Variants in PRDM15 observed in about 807,000 individuals in gnomAD.
PRDM15 encodes PR domain zinc finger protein 15.
A neutral mutation model predicts 128.6 loss-of-function variants in PRDM15; 64 were observed. The observed-to-expected ratio is 0.50, with a 90% CI of 0.41 to 0.61. The LOEUF is 0.61. Among genes scored for constraint, PRDM15 ranks in the 20% least tolerant of loss-of-function variants. The pLI, the probability that PRDM15 is intolerant of heterozygous loss-of-function variation, is 0.00. For synonymous variants in PRDM15, 615 were observed against 621.8 expected (o/e 0.99, Z 0.16); for missense variants, 1,242 against 1,569.1 (o/e 0.79, Z 3.52).
intron 18 of PRDM15, 116 bp from the exon 19 acceptor site, chr21:41,815,952 G>A (rs2062036561): frequency 7.5e-7 from 1 of 1,339,438 alleles, no homozygotes. Flanking sequence ...TGGTGAGGGT[G>A]TGGGCCGGCC....
At chr21:41,858,002 G>C (rs2063689496) in intron 3 of PRDM15, among the ~76,000 whole-genome samples, 1 of 152,200 alleles carries the variant, frequency 6.6e-6, no homozygotes, top group Non-Finnish European at 1.5e-5. Context: ...ATCCCTGGTG[G>C]GGCTGCTACG....
At chr21:41,808,080 C>G (rs1311470450) in intron 21 of PRDM15, among the ~76,000 whole-genome samples, 1 of 152,156 alleles carries the variant, frequency 6.6e-6, no homozygotes, top group Non-Finnish European at 1.5e-5. Context: ...CTCCGGTGTA[C>G]AAAAGTGATG....
intron 21 of PRDM15, among the ~76,000 whole-genome samples, chr21:41,809,335 C>T (rs959433946): frequency 1.3e-5 from 2 of 151,382 alleles, no homozygotes; most frequent in Admixed American, 1.3e-4. Context: ...TGGGTTCAAG[C>T]GATTCTGCTG....
At chr21:41,839,514 T>C in intron 7 of PRDM15, 109 bp downstream of exon 7, 2 of 862,020 alleles carry the variant, frequency 2.3e-6, no homozygotes, top group East Asian at 4.8e-5. Flanking sequence ...ACGAGGCCTT[T>C]CTACACTGAG....
At chr21:41,806,711 CCAA>C (rs1194176471) in intron 21 of PRDM15, among the ~76,000 whole-genome samples, 18 of 123,080 alleles carry the variant, frequency 1.5e-4, no homozygotes, top group South Asian at 3.0e-4. Context: ...ATCACTACCA[CCAA>C]CATCACCACC....
chr21:41,844,029 T>C (rs1394821094), intron 6 of PRDM15, among the ~76,000 whole-genome samples: 1 of 151,520 alleles, frequency 6.6e-6, no homozygotes, highest in Non-Finnish European at 1.5e-5. Flanking sequence ...GTTACCCAAC[T>C]TGAAAGAAGA....
Position 41,800,140 on chromosome 21 carries a change from T to C in PRDM15, c.*1100A>G, listed in dbSNP as rs2061382484. Reference sequence around the variant, plus strand: ...ACTTTTCCATTGTAAAGAGCCAAACTCATTCAATATTTTTATAGAAAACTG... The same window carrying C: ...ACTTTTCCATTGTAAAGAGCCAAACCCATTCAATATTTTTATAGAAAACTG... On this transcript the variant is annotated 3_prime_UTR_variant, in exon 24 of 24. Coordinates refer to ENST00000398548, the MANE Select transcript of PRDM15 (RefSeq NM_001040424.3). 1 of 152,242 alleles carries C rather than the reference T, an allele frequency of 6.6e-6. No homozygotes were observed. Among genetic ancestry groups the C allele is most frequent in the Admixed American group, 6.5e-5 (1 of 15,282 alleles). 9.4% of individuals were successfully genotyped at this position (152,242 alleles called of 1,614,324 possible).
rs2064053953 is a variant in PRDM15 at position 41,867,506 on chromosome 21, T to C, written c.-9-7134A>G. The C allele has an allele frequency of 5.8e-6, 4 of 686,348 alleles. No homozygotes were observed. The South Asian group carries it at 7.5e-5, about 13-fold the overall frequency. The allele number at this position is 686,348 out of a possible 1,614,324, so 42.5% of individuals were successfully genotyped here. On this transcript the variant is annotated intron_variant, in intron 1 of 23. Coordinates refer to ENST00000398548, the MANE Select transcript of PRDM15 (RefSeq NM_001040424.3). ...GGAGCGCAGTGGTTTTTCACAGGCG[T>C]GAACATAGCGCACTACAGCCTCAAA... is the stretch of plus-strand genomic sequence containing the variant.
intron 21 of PRDM15, among the ~76,000 whole-genome samples, chr21:41,806,100 C>T (rs2061581711): frequency 6.9e-6 from 1 of 144,386 alleles, no homozygotes; most frequent in Non-Finnish European, 1.6e-5. Flanking sequence ...CCATCACCAC[C>T]ACCATCACCA....
intron 21 of PRDM15, chr21:41,804,840 C>A (rs1278314528): frequency 2.4e-6 from 1 of 420,396 alleles, no homozygotes. Flanking sequence ...AATGGTCTTG[C>A]CCCTGTATCA....
At chr21:41,815,252 C>A (rs2062010966) in intron 19 of PRDM15, among the ~76,000 whole-genome samples, 2 of 152,232 alleles carry the variant, frequency 1.3e-5, no homozygotes, top group South Asian at 4.1e-4. Context: ...ACACACATCA[C>A]CCGAGCGGAC....
rs1047794706 is a variant in PRDM15 at position 41,810,441 on chromosome 21, C to T, written c.2477-112G>A. On this transcript the variant is annotated intron_variant, in intron 20 of 23. Transcript: ENST00000398548. The surrounding 1 kb of genome is among the most constrained non-coding windows in gnomAD (Gnocchi z 6.4). ...GCTGGACGAGGCAAGAAGCCTGTCA[C>T]GCCCCGCCCATCCTGAGAGGGCCGG... is the stretch of plus-strand genomic sequence containing the variant. 38 of 1,256,022 alleles carry T rather than the reference C, an allele frequency of 3.0e-5. No individual in the cohort carries two copies. The highest frequency in any genetic ancestry group is 1.9e-4 in the Middle Eastern group (1 of 5,280). 77.8% of individuals were successfully genotyped at this position (1,256,022 alleles called of 1,614,324 possible). A position where few individuals can be genotyped will look rare whatever the true frequency, so the allele number is the denominator to read the frequency against.
intron 1 of PRDM15, chr21:41,871,958 C>A (rs1469550600): frequency 4.7e-6 from 1 of 211,344 alleles, no homozygotes; most frequent in Non-Finnish European, 9.4e-6. Flanking sequence ...AGGAAGGCCC[C>A]AGGATACAAT....
rs746652785 is a variant in PRDM15, at chr21:41,862,360, C to T, written c.-9-1988G>A. On this transcript the variant is annotated intron_variant, in intron 1 of 23. Coordinates refer to ENST00000398548, the MANE Select transcript of PRDM15 (RefSeq NM_001040424.3). This position sits in a 1 kb window ranked among gnomAD's most constrained non-coding sequence, Gnocchi z 4.1. ...GGCCTTGCTTACTTGGGAGCCTGCA[C>T]GAATCCCCTGAGGCCTTGTGTGGCC... Among the ~76,000 whole-genome samples, 1 of 152,114 alleles carries T rather than the reference C, an allele frequency of 6.6e-6. No individual in the cohort carries two copies. The highest frequency in any genetic ancestry group is 1.5e-5 in the Non-Finnish European group (1 of 68,016).
intron 12 of PRDM15, among the ~76,000 whole-genome samples, chr21:41,827,236 A>G (rs906069945): frequency 2.0e-5 from 3 of 152,230 alleles, no homozygotes; most frequent in African/African-American, 7.2e-5. Context: ...TGAAGAAAAG[A>G]GTTGAGCAAA....
chr21:41,850,423 A>T (rs2063393980), intron 5 of PRDM15, among the ~76,000 whole-genome samples: 1 of 151,770 alleles, frequency 6.6e-6, no homozygotes, highest in African/African-American at 2.4e-5. Flanking sequence ...AACAAAATCA[A>T]TCTTAATGTG....
chr21:41,848,311 G>T (rs2063329695), intron 5 of PRDM15, among the ~76,000 whole-genome samples: 1 of 152,222 alleles, frequency 6.6e-6, no homozygotes, highest in Non-Finnish European at 1.5e-5. Context: ...CCCTGTGCAT[G>T]CATGTTCTGA....
chr21:41,878,967 C>T, intron 1 of PRDM15: 1 of 982,588 alleles, frequency 1.0e-6, no homozygotes, highest in Non-Finnish European at 1.2e-6. Flanking sequence ...GGCGCGGAGC[C>T]CGGCCAGGAG....
intron 1 of PRDM15, among the ~76,000 whole-genome samples, chr21:41,872,485 C>T (rs768602749): frequency 2.0e-5 from 3 of 152,168 alleles, no homozygotes; most frequent in Non-Finnish European, 2.9e-5. Flanking sequence ...TAAACAACTT[C>T]ATTATCAATA....
Sources: gnomAD v4.1 joint callset for allele counts (sites outside exome capture counted in the v4.1 genomes callset) on GRCh38, gnomAD v4.1.1 for gene constraint, Gnocchi (gnomAD v3.1) non-coding constraint, MANE v1.5 for transcripts, NCBI Gene and HGNC (gene_info 2026-07-23, HGNC 2026-07-21) for gene names.